TTC6: variants seen among roughly 807,000 people sequenced by gnomAD.
TTC6 encodes the protein tetratricopeptide repeat protein 6.
A neutral mutation model predicts 210.4 loss-of-function variants in TTC6; 172 were observed. That is an observed-to-expected ratio of 0.82 (90% CI 0.72 to 0.93). The LOEUF is 0.93. TTC6 is among the 40% of genes least tolerant of loss of function. The probability of loss-of-function intolerance (pLI) is 0.00; values close to 1 mark genes in which losing one functional copy is unlikely to be tolerated. For synonymous variants in TTC6, 804 were observed against 819.6 expected, an observed-to-expected ratio of 0.98 and a Z score of 0.32; for missense variants, 2,414 against 2,318.1, an observed-to-expected ratio of 1.04 and a Z score of -0.85.
intron 14 of TTC6, among the ~76,000 whole-genome samples, chr14:37,784,846 G>T (rs1489002074): frequency 6.6e-6 from 1 of 152,126 alleles, no homozygotes; most frequent in Non-Finnish European, 1.5e-5. Flanking sequence ...GCATTTGCTT[G>T]TCTGTAAAGG....
intron 3 of TTC6, among the ~76,000 whole-genome samples, chr14:37,696,157 T>C (rs985746801): frequency 4.6e-5 from 7 of 152,274 alleles, no homozygotes; most frequent in African/African-American, 1.7e-4. Context: ...AACTTCCTTT[T>C]ATCTGGCTAC....
intron 17 of TTC6, among the ~76,000 whole-genome samples, chr14:37,794,882 G>T (rs1224264862): frequency 6.6e-6 from 1 of 151,966 alleles, no homozygotes; most frequent in African/African-American, 2.4e-5. Context: ...AGACCAGCCT[G>T]CATGCTGCTT....
At chr14:37,605,687 T>G (rs544148195) in intron 1 of TTC6, among the ~76,000 whole-genome samples, 1 of 152,268 alleles carries the variant, frequency 6.6e-6, no homozygotes, top group South Asian at 2.1e-4. Flanking sequence ...GACCTCAAAC[T>G]CAGTAAAATC....
Position 37,748,928 on chromosome 14 carries a change from T to G in TTC6, c.2364-11T>G, listed in dbSNP as rs1448549546. Reference sequence around the variant, plus strand: ...TCTGTAATTTAAAAAAATCACTCTTTTAAAAACTAGATCAGCATCTCATGG... The same window carrying G: ...TCTGTAATTTAAAAAAATCACTCTTGTAAAAACTAGATCAGCATCTCATGG... On this transcript the variant is annotated splice_polypyrimidine_tract_variant and intron_variant, in intron 10 of 30. Transcript: ENST00000553443. The G allele has an allele frequency of 1.4e-6, 2 of 1,435,554 alleles. No individual in the cohort carries two copies. Among genetic ancestry groups the G allele is most frequent in the Non-Finnish European group, 1.8e-6 (2 of 1,100,502 alleles). The allele number at this position is 1,435,554 out of a possible 1,614,324, so 88.9% of individuals were successfully genotyped here.
chr14:37,703,213 A>G (rs980501396), intron 5 of TTC6, among the ~76,000 whole-genome samples: 1 of 152,020 alleles, frequency 6.6e-6, no homozygotes, highest in Non-Finnish European at 1.5e-5. Flanking sequence ...TTACAGCTAT[A>G]ATTATTCACG....
chr14:37,789,827 C>G (rs1163976984), intron 15 of TTC6, among the ~76,000 whole-genome samples: 1 of 151,986 alleles, frequency 6.6e-6, no homozygotes, highest in Non-Finnish European at 1.5e-5. Context: ...ATTGCTGACA[C>G]TGGCTATAGT....
chr14:37,784,773 C>G (rs961884618), intron 14 of TTC6, among the ~76,000 whole-genome samples: 5 of 152,136 alleles, frequency 3.3e-5, no homozygotes, highest in African/African-American at 9.7e-5. Flanking sequence ...TTGTTCATAT[C>G]CATGTTTAGT....
At chr14:37,749,105 C>G (rs1489984298) in exon 11 of TTC6, 4 of 1,535,640 alleles carry the variant, frequency 2.6e-6, no homozygotes, top group Middle Eastern at 1.7e-4. Flanking sequence ...GACATGGGCT[C>G]TTGATAGGCT....
upstream of TTC6, among the ~76,000 whole-genome samples, chr14:37,618,883 T>C (rs1406227798): frequency 1.3e-5 from 2 of 152,162 alleles, no homozygotes; most frequent in African/African-American, 4.8e-5. Context: ...AAGCAGGAAC[T>C]AAGAAATAAA....
At chr14:37,697,172 T>C (rs1306117034) in intron 4 of TTC6, among the ~76,000 whole-genome samples, 1 of 152,118 alleles carries the variant, frequency 6.6e-6, no homozygotes, top group Non-Finnish European at 1.5e-5. Context: ...GATCAATTGC[T>C]TATTATATTG....
chr14:37,725,395 G>C (rs2095871034), intron 7 of TTC6, among the ~76,000 whole-genome samples: 1 of 141,148 alleles, frequency 7.1e-6, no homozygotes, highest in South Asian at 2.3e-4. Context: ...TTGTTGCCCA[G>C]GCTGGAGGGC....
intron 10 of TTC6, among the ~76,000 whole-genome samples, chr14:37,740,645 A>G (rs1449923441): frequency 6.6e-6 from 1 of 152,226 alleles, no homozygotes; most frequent in Non-Finnish European, 1.5e-5. Flanking sequence ...GGAGAATGCC[A>G]TTCAAGTCTC....
At chr14:37,617,050 A>G (rs1330057465) in intron 2 of TTC6, among the ~76,000 whole-genome samples, 1 of 151,814 alleles carries the variant, frequency 6.6e-6, no homozygotes, top group Non-Finnish European at 1.5e-5. Context: ...TTAATTTTTT[A>G]CTTTTTGTAG....
chr14:37,841,926 A>G (rs187336477), intron 30 of TTC6, among the ~76,000 whole-genome samples: 55 of 152,310 alleles, frequency 3.6e-4, no homozygotes, highest in Non-Finnish European at 5.9e-4. Context: ...AAAGAAAGAC[A>G]TTGTACTGTG....
intron 1 of TTC6, among the ~76,000 whole-genome samples, chr14:37,668,251 T>G (rs1040907757): frequency 6.6e-6 from 1 of 150,678 alleles, no homozygotes; most frequent in Non-Finnish European, 1.5e-5. Context: ...TTTTTTCTTT[T>G]TCCTTCTAAT....
intron 1 of TTC6, among the ~76,000 whole-genome samples, chr14:37,670,061 C>A (rs2095755321): frequency 6.6e-6 from 1 of 152,134 alleles, no homozygotes; most frequent in African/African-American, 2.4e-5. Context: ...ATCAATCACT[C>A]TTCATCTTAA....
At chr14:37,816,233 C>G (rs973338818) in intron 25 of TTC6, among the ~76,000 whole-genome samples, 1 of 152,132 alleles carries the variant, frequency 6.6e-6, no homozygotes, top group Admixed American at 6.5e-5. Context: ...ACTGCGTCCT[C>G]CAGCAGGATC....
intron 3 of TTC6, among the ~76,000 whole-genome samples, chr14:37,689,182 A>G (rs913468864): frequency 1.3e-5 from 2 of 152,090 alleles, no homozygotes; most frequent in African/African-American, 4.8e-5. Flanking sequence ...ATACTGAAGA[A>G]TGCATCAGAG....
intron 7 of TTC6, among the ~76,000 whole-genome samples, chr14:37,735,326 G>A (rs902940538): frequency 7.9e-5 from 12 of 152,106 alleles, no homozygotes; most frequent in African/African-American, 2.9e-4. Flanking sequence ...ATCTACCCGG[G>A]TGTCGAATTT....
Sources: gnomAD v4.1 joint callset for allele counts (sites outside exome capture counted in the v4.1 genomes callset) on GRCh38, gnomAD v4.1.1 for gene constraint, MANE v1.5 for transcripts, NCBI Gene and HGNC (gene_info 2026-07-23, HGNC 2026-07-21) for gene names.